Variants in XKR4 observed in about 807,000 individuals in gnomAD.
XKR4 encodes the protein XK-related protein 4.
XKR4 carries 12 observed loss-of-function variants against 53.9 expected under a neutral mutation model. The ratio of observed to expected loss-of-function variants is 0.22; its 90% confidence interval spans 0.14 to 0.36. The LOEUF is 0.36. Ranked by LOEUF, XKR4 falls within the 10% of genes least tolerant of loss-of-function variation. The pLI is 1.00. For synonymous variants in XKR4, 354 were observed against 362.4 expected (o/e 0.98, Z 0.26); for missense variants, 799 against 859.5 (o/e 0.93, Z 0.88).
chr8:55,271,997 G>A (rs187474646), intron 1 of XKR4, among the ~76,000 whole-genome samples: 1 of 152,158 alleles, frequency 6.6e-6, no homozygotes, highest in African/African-American at 2.4e-5. Flanking sequence ...TTGTCCATTT[G>A]TATCTTCAGT....
chr8:55,170,264 A>G (rs7008510), intron 1 of XKR4, among the ~76,000 whole-genome samples: 93,346 of 151,996 alleles, frequency 0.61, 29,366 homozygotes, highest in Middle Eastern at 0.76. Context: ...AGGGGACTCC[A>G]TGATGCAGAT....
intron 1 of XKR4, among the ~76,000 whole-genome samples, chr8:55,206,965 C>T (rs1054520085): frequency 6.6e-6 from 1 of 152,226 alleles, no homozygotes; most frequent in East Asian, 1.9e-4. Flanking sequence ...CACCCTGCCC[C>T]GCGGCATAGT....
chr8:55,111,695 G>T (rs549965569), intron 1 of XKR4, among the ~76,000 whole-genome samples: 2 of 152,128 alleles, frequency 1.3e-5, no homozygotes, highest in South Asian at 4.1e-4. Flanking sequence ...CATATAGACT[G>T]GAGAAGCCAA....
At position 55,524,545 on chromosome 8, in the gene XKR4, T is replaced by A. The variant is rs376469962; in HGVS notation, c.*318T>A. ...TATTATGGAAAAATTTTGCCTCCAA[T>A]CATTAGGGTGTCTTGATGGCGTTAA... On this transcript the variant is annotated 3_prime_UTR_variant, in exon 3 of 3. Coordinates refer to ENST00000327381, the MANE Select transcript of XKR4 (RefSeq NM_052898.2). 3.1e-6 allele frequency: 1 copy of A among 326,596 alleles called. No individual in the cohort carries two copies. 20.2% of individuals were successfully genotyped at this position (326,596 alleles called of 1,614,324 possible). A position where few individuals can be genotyped will look rare whatever the true frequency, so the allele number is the denominator to read the frequency against.
At chr8:55,142,647 T>C (rs1483870567) in intron 1 of XKR4, among the ~76,000 whole-genome samples, 1 of 152,244 alleles carries the variant, frequency 6.6e-6, no homozygotes, top group Non-Finnish European at 1.5e-5. Flanking sequence ...GTATTAATTC[T>C]TAGTACTCAA....
Position 55,539,144 on chromosome 8 carries a change from T to C in XKR4, c.*14917T>C, listed in dbSNP as rs1406951697. The C allele has an allele frequency of 1.3e-5, 2 of 152,218 alleles. No homozygotes were observed. Among genetic ancestry groups the C allele is most frequent in the African/African-American group, 4.8e-5 (2 of 41,462 alleles). 9.4% of individuals were successfully genotyped at this position (152,218 alleles called of 1,614,324 possible). A position where few individuals can be genotyped will look rare whatever the true frequency, so the allele number is the denominator to read the frequency against. On this transcript the variant is annotated 3_prime_UTR_variant, in exon 3 of 3. Transcript: ENST00000327381. ...AATCCTGATAAGAACTAATGTGAAATAACATCATTTTGGTTTATAAATATT... is the reference window on the plus strand; with the variant it reads ...AATCCTGATAAGAACTAATGTGAAACAACATCATTTTGGTTTATAAATATT...
intron 1 of XKR4, among the ~76,000 whole-genome samples, chr8:55,296,838 G>A (rs1819108281): frequency 6.6e-6 from 1 of 152,096 alleles, no homozygotes; most frequent in Admixed American, 6.6e-5. Context: ...AAACATGTAT[G>A]TGTTTATGAA....
At chr8:55,156,934 C>A (rs1585909666) in intron 1 of XKR4, among the ~76,000 whole-genome samples, 1 of 152,180 alleles carries the variant, frequency 6.6e-6, no homozygotes, top group Non-Finnish European at 1.5e-5. Flanking sequence ...ATCCAAAATA[C>A]AGTAACAGTC....
chr8:55,392,807 A>G (rs1484102150), intron 2 of XKR4, among the ~76,000 whole-genome samples: 1 of 152,218 alleles, frequency 6.6e-6, no homozygotes, highest in Non-Finnish European at 1.5e-5. Flanking sequence ...ATAAATAAAT[A>G]TCAATGAATA....
rs561480366 is a variant in XKR4, at chr8:55,283,675, A to G, written c.807-74003A>G. On this transcript the variant is annotated intron_variant, in intron 1 of 2. Transcript: ENST00000327381. ...TTCCAGAATCTTCTTCTTGAGAAAT[A>G]AACTCCAATAAAATTATAATTAACA... Among the ~76,000 whole-genome samples, 22 of 152,332 alleles carry G rather than the reference A, an allele frequency of 1.4e-4. No homozygotes were observed. The East Asian group carries it at 4.2e-3, about 29-fold the overall frequency.
intron 1 of XKR4, among the ~76,000 whole-genome samples, chr8:55,176,759 AT>A (rs542685424): frequency 7.9e-5 from 12 of 151,852 alleles, no homozygotes; most frequent in Admixed American, 6.6e-4. Context: ...AAAATAGCTA[AT>A]TTTTTTCTCA....
intron 1 of XKR4, among the ~76,000 whole-genome samples, chr8:55,343,830 C>T (rs1406915680): frequency 6.6e-6 from 1 of 152,126 alleles, no homozygotes; most frequent in Non-Finnish European, 1.5e-5. Context: ...TCTTCTTCCC[C>T]TAGAATGGAT....
intron 2 of XKR4, among the ~76,000 whole-genome samples, chr8:55,416,162 C>T (rs1201025035): frequency 1.3e-5 from 2 of 152,008 alleles, no homozygotes; most frequent in African/African-American, 2.4e-5. Flanking sequence ...TAAAGGGAGG[C>T]ACTGGAAGTG....
chr8:55,444,168 C>G (rs939795359), intron 2 of XKR4, among the ~76,000 whole-genome samples: 4 of 151,878 alleles, frequency 2.6e-5, no homozygotes, highest in African/African-American at 9.7e-5. Context: ...CAGACTGTCT[C>G]CAAAAACAAA....
intron 1 of XKR4, among the ~76,000 whole-genome samples, chr8:55,188,360 T>C (rs1042639381): frequency 6.6e-6 from 1 of 152,198 alleles, no homozygotes; most frequent in African/African-American, 2.4e-5. Flanking sequence ...TTCAGAGTAA[T>C]TACTTATTTC....
intron 2 of XKR4, chr8:55,517,915 A>G (rs934367799): frequency 1.3e-5 from 2 of 152,196 alleles, no homozygotes; most frequent in African/African-American, 4.8e-5. Flanking sequence ...TTTTTAAGTT[A>G]GAACAAAAAA....
chr8:55,123,860 A>AT (rs1369390999), intron 1 of XKR4, among the ~76,000 whole-genome samples: 3 of 152,160 alleles, frequency 2.0e-5, no homozygotes, highest in South Asian at 4.1e-4. Context: ...AATTTGCACC[A>AT]TTTTTTTAGA....
chr8:55,454,391 G>T, intron 2 of XKR4: 1 of 1,433,988 alleles, frequency 7.0e-7, no homozygotes, highest in Non-Finnish European at 9.8e-7. Flanking sequence ...GTATCTGAGA[G>T]GAAACAGCAA....
intron 2 of XKR4, among the ~76,000 whole-genome samples, chr8:55,512,177 C>T (rs1489484795): frequency 6.6e-6 from 1 of 152,184 alleles, no homozygotes; most frequent in Non-Finnish European, 1.5e-5. Context: ...AATTGCTTCC[C>T]CACCCTCACT....
Sources: allele counts gnomAD v4.1 joint callset (sites outside exome capture counted in the v4.1 genomes callset), GRCh38; gene constraint gnomAD v4.1.1; transcripts MANE v1.5; gene names NCBI Gene and HGNC (gene_info 2026-07-23, HGNC 2026-07-21).